Variants in CTNNA3 observed in about 807,000 individuals in gnomAD.
CTNNA3 encodes catenin alpha-3.
CTNNA3 carries 76 observed loss-of-function variants against 95.7 expected under a neutral mutation model. The observed-to-expected ratio is 0.79, with a 90% CI of 0.66 to 0.96. CTNNA3 has a LOEUF of 0.96. Ranked by LOEUF, CTNNA3 falls within the 40% of genes least tolerant of loss-of-function variation. The probability of loss-of-function intolerance (pLI) is 0.00; values close to 1 mark genes in which losing one functional copy is unlikely to be tolerated. For missense variants in CTNNA3, 1,191 were observed against 1,089.8 expected (o/e 1.09, Z -1.31); for synonymous variants, 431 against 374.4 (o/e 1.15, Z -1.74).
At chr10:66,241,843 G>A (rs1206942972) in intron 13 of CTNNA3, among the ~76,000 whole-genome samples, 1 of 145,986 alleles carries the variant, frequency 6.8e-6, no homozygotes, top group African/African-American at 2.5e-5. Context: ...CCAAATACAT[G>A]GGAATACTAA....
At chr10:66,122,758 G>A (rs2082636929) in intron 13 of CTNNA3, among the ~76,000 whole-genome samples, 1 of 152,216 alleles carries the variant, frequency 6.6e-6, no homozygotes, top group African/African-American at 2.4e-5. Flanking sequence ...AAGGCAATGA[G>A]AAGCAAGTCA....
At chr10:66,361,796 C>T (rs2092678108) in intron 12 of CTNNA3, among the ~76,000 whole-genome samples, 1 of 152,102 alleles carries the variant, frequency 6.6e-6, no homozygotes. Context: ...CCTCAGCCCC[C>T]CAAAGTGCTG....
chr10:66,496,666 A>G lies in CTNNA3; in HGVS notation c.1531+23951T>C, dbSNP rs577381470. Among the ~76,000 whole-genome samples, 319 of 152,296 alleles carry G rather than the reference A, an allele frequency of 2.1e-3. 1 individual carries two copies. Among genetic ancestry groups the G allele is most frequent in the Non-Finnish European group, 3.8e-3 (260 of 68,014 alleles). On this transcript the variant is annotated intron_variant, in intron 11 of 17. Transcript: ENST00000433211. ...GAAGGAATTGTCTTAGTATTCTCCT[A>G]CTTCACTGAAACAAAACTTTTAGTT...
intron 1 of CTNNA3, among the ~76,000 whole-genome samples, chr10:67,760,309 T>C (rs1841455727): frequency 6.6e-6 from 1 of 152,026 alleles, no homozygotes; most frequent in African/African-American, 2.4e-5. Flanking sequence ...CATTGTCTAC[T>C]GCCATCTACA....
At chr10:66,164,839 T>G in intron 13 of CTNNA3, among the ~76,000 whole-genome samples, 1 of 152,166 alleles carries the variant, frequency 6.6e-6, no homozygotes, top group Non-Finnish European at 1.5e-5. Flanking sequence ...ACTGGTTCTA[T>G]TTACATGAAA....
chr10:66,297,050 G>A (rs2091791047), intron 12 of CTNNA3, among the ~76,000 whole-genome samples: 2 of 152,160 alleles, frequency 1.3e-5, no homozygotes, highest in South Asian at 4.1e-4. Flanking sequence ...CTATGAAAAT[G>A]TTACATCATT....
In CTNNA3 at chr10:67,143,425, T is replaced by TAAAAAAAAAAAAA. The variant is rs61603392; in HGVS notation, c.1047+36879_1047+36891dup. 1.3e-3 allele frequency among the ~76,000 whole-genome samples: 98 copies of TAAAAAAAAAAAAA among 75,968 alleles called. 8 individuals carry two copies. Among genetic ancestry groups the TAAAAAAAAAAAAA allele is most frequent in the African/African-American group, 2.6e-3 (54 of 20,504 alleles). The allele number at this position is 75,968 out of a possible 152,430, so 49.8% of individuals were successfully genotyped here. On this transcript the variant is annotated intron_variant, in intron 7 of 17. Coordinates refer to ENST00000433211, the MANE Select transcript of CTNNA3 (RefSeq NM_013266.4). ...TGGGTGACTGAGCAAGGCTCTGTCT[T>TAAAAAAAAAAAAA]AAAAAAAAAAAAAAAAAAAAAATTA...
chr10:66,406,531 T>C (rs554264994), intron 11 of CTNNA3, among the ~76,000 whole-genome samples: 71 of 152,340 alleles, frequency 4.7e-4, no homozygotes, highest in Non-Finnish European at 6.8e-4. Flanking sequence ...AAAGTCTTTA[T>C]TGTTATAATA....
rs2077019825 is a variant in CTNNA3 at position 65,917,358 on chromosome 10, T to C, written c.*2972A>G. The C allele has an allele frequency of 6.6e-6, 1 of 152,194 alleles. No homozygotes were observed. The highest frequency in any genetic ancestry group is 2.1e-4 in the South Asian group (1 of 4,834). The allele number at this position is 152,194 out of a possible 1,614,324, so 9.4% of individuals were successfully genotyped here. A position where few individuals can be genotyped will look rare whatever the true frequency, so the allele number is the denominator to read the frequency against. ...AACATTTTACTTCAATAATTTTAAT[T>C]TGTCATAAATTAAAGGGAATGATTT... On this transcript the variant is annotated 3_prime_UTR_variant, in exon 18 of 18. Coordinates refer to ENST00000433211, the MANE Select transcript of CTNNA3 (RefSeq NM_013266.4).
intron 11 of CTNNA3, among the ~76,000 whole-genome samples, chr10:66,516,841 T>G (rs1840876975): frequency 1.3e-5 from 2 of 152,170 alleles, no homozygotes; most frequent in Admixed American, 6.5e-5. Flanking sequence ...CCGTTTTAAA[T>G]TGTGTTGTGT....
chr10:67,073,560 C>A (rs1856579088), intron 7 of CTNNA3, among the ~76,000 whole-genome samples: 1 of 149,996 alleles, frequency 6.7e-6, no homozygotes, highest in African/African-American at 2.5e-5. Context: ...ATGATTAAGC[C>A]CAATAAAGAG....
intron 5 of CTNNA3, among the ~76,000 whole-genome samples, chr10:67,406,129 T>C (rs1845130082): frequency 6.6e-6 from 1 of 152,162 alleles, no homozygotes. Context: ...TCCTGCCACC[T>C]TGTGAAAAAG....
intron 7 of CTNNA3, among the ~76,000 whole-genome samples, chr10:66,940,788 A>C (rs184670617): frequency 5.2e-4 from 79 of 152,312 alleles, no homozygotes; most frequent in African/African-American, 1.8e-3. Flanking sequence ...GTTTAAACAA[A>C]AAAAAAAACT....
chr10:67,650,943 C>A (rs528580007), intron 1 of CTNNA3, among the ~76,000 whole-genome samples: 145 of 152,186 alleles, frequency 9.5e-4, no homozygotes, highest in African/African-American at 3.3e-3. Context: ...CCTACAGTAA[C>A]ACATAACCAC....
At chr10:66,717,598 A>C (rs2132625483) in intron 9 of CTNNA3, among the ~76,000 whole-genome samples, 1 of 152,220 alleles carries the variant, frequency 6.6e-6, no homozygotes, top group African/African-American at 2.4e-5. Context: ...GGACAGGAGT[A>C]GGGGATGGTG....
chr10:66,943,886 T>C (rs1482723925), intron 7 of CTNNA3, among the ~76,000 whole-genome samples: 1 of 152,204 alleles, frequency 6.6e-6, no homozygotes, highest in Non-Finnish European at 1.5e-5. Context: ...GCTTATAATT[T>C]AAAAATACTT....
At chr10:66,486,461 T>C (rs1839729200) in intron 11 of CTNNA3, among the ~76,000 whole-genome samples, 1 of 152,006 alleles carries the variant, frequency 6.6e-6, no homozygotes, top group Admixed American at 6.6e-5. Flanking sequence ...ACATCACTAA[T>C]TAAGGAAAGG....
intron 7 of CTNNA3, among the ~76,000 whole-genome samples, chr10:67,068,038 A>T (rs888219337): frequency 6.6e-6 from 1 of 152,246 alleles, no homozygotes; most frequent in Non-Finnish European, 1.5e-5. Context: ...AGAACATCCT[A>T]GTAAGAGAAA....
chr10:67,340,087 C>T (rs560776724), intron 5 of CTNNA3, among the ~76,000 whole-genome samples: 1 of 151,998 alleles, frequency 6.6e-6, no homozygotes, highest in Non-Finnish European at 1.5e-5. Flanking sequence ...TTTTCAGTAT[C>T]CAATTAGTCA....
Sources: gnomAD v4.1 joint callset for allele counts (sites outside exome capture counted in the v4.1 genomes callset) on GRCh38, gnomAD v4.1.1 for gene constraint, MANE v1.5 for transcripts, NCBI Gene and HGNC (gene_info 2026-07-23, HGNC 2026-07-21) for gene names.